The following AKR1B1 variants were observed in gnomAD, a reference collection of about 807,000 sequenced individuals.
The protein encoded by AKR1B1 is aldo-keto reductase family 1 member B1.
Under a neutral mutation model 40.4 loss-of-function variants are expected in AKR1B1, and 22 were observed. That is an observed-to-expected ratio of 0.54 (90% CI 0.39 to 0.78). AKR1B1 has a LOEUF of 0.78. Ranked by LOEUF, AKR1B1 falls within the 30% of genes least tolerant of loss-of-function variation. AKR1B1 has a pLI of 0.00. For missense variants in AKR1B1, 357 were observed against 396.7 expected, an observed-to-expected ratio of 0.90 and a Z score of 0.85; for synonymous variants, 157 against 149.9, an observed-to-expected ratio of 1.05 and a Z score of -0.35.
At chr7:134,453,631 G>GA (rs1212825311) in intron 1 of AKR1B1, among the ~76,000 whole-genome samples, 2 of 151,622 alleles carry the variant, frequency 1.3e-5, no homozygotes, top group Non-Finnish European at 1.5e-5. Flanking sequence ...GGCACGACAT[G>GA]AAAAAAAAGT....
chr7:134,459,116 G>T (rs1806594363), upstream of AKR1B1: 1 of 1,563,640 alleles, frequency 6.4e-7, no homozygotes, highest in Non-Finnish European at 8.7e-7. Context: ...TGGCCGCGGC[G>T]CGTACCTTTA....
chr7:134,443,032 G>A (rs934292431), intron 9 of AKR1B1, among the ~76,000 whole-genome samples: 8 of 152,168 alleles, frequency 5.3e-5, no homozygotes, highest in South Asian at 2.1e-4. Flanking sequence ...TGCCTGGGCC[G>A]TGCAGGACGG....
chr7:134,457,686 C>T (rs1205004299), intron 1 of AKR1B1, among the ~76,000 whole-genome samples: 1 of 152,126 alleles, frequency 6.6e-6, no homozygotes, highest in African/African-American at 2.4e-5. Flanking sequence ...TATCCAACGC[C>T]CAGGCCCATA....
chr7:134,448,913 G>C (rs1364076510), intron 5 of AKR1B1, 84 bp downstream of exon 5: 2 of 1,576,770 alleles, frequency 1.3e-6, no homozygotes, highest in Non-Finnish European at 8.7e-7. Context: ...GCCACTTGCT[G>C]GGTGAGGTGG....
intron 1 of AKR1B1, among the ~76,000 whole-genome samples, chr7:134,455,604 GT>G (rs954306836): frequency 3.3e-5 from 5 of 151,470 alleles, no homozygotes; most frequent in South Asian, 2.1e-4. Flanking sequence ...CTGAGACCGA[GT>G]TTTTTTTTGC....
intron 7 of AKR1B1, 161 bp from the exon 8 acceptor site, chr7:134,447,542 G>A (rs571950062): frequency 1.3e-5 from 9 of 705,676 alleles, no homozygotes; most frequent in East Asian, 5.4e-5. Context: ...ACAGGTAGGC[G>A]ACGCATTCAG....
At chr7:134,451,468 G>T in intron 2 of AKR1B1, 118 bp downstream of exon 2, 2 of 1,304,688 alleles carry the variant, frequency 1.5e-6, no homozygotes, top group Non-Finnish European at 2.2e-6. Context: ...CGTTTCCCCG[G>T]GAAGAATCGC....
chr7:134,445,407 C>T (rs1356347983), intron 8 of AKR1B1, 87 bp from the exon 9 acceptor site: 1 of 1,112,542 alleles, frequency 9.0e-7, no homozygotes, highest in East Asian at 2.5e-5. Context: ...TCTTCCATGG[C>T]TTTGAGCAGA....
intron 1 of AKR1B1, among the ~76,000 whole-genome samples, chr7:134,455,033 T>C: frequency 6.6e-6 from 1 of 152,316 alleles, no homozygotes; most frequent in East Asian, 1.9e-4. Context: ...CTGGCTCCTG[T>C]GTTACCTCCA....
intron 1 of AKR1B1, among the ~76,000 whole-genome samples, chr7:134,457,870 A>T (rs1252620420): frequency 6.6e-6 from 1 of 151,972 alleles, no homozygotes; most frequent in Non-Finnish European, 1.5e-5. Context: ...TGTGGTGGTG[A>T]GCGCCTGTAG....
intron 1 of AKR1B1, 163 bp from the exon 2 acceptor site, chr7:134,451,916 C>A: frequency 1.3e-6 from 1 of 749,992 alleles, no homozygotes; most frequent in Non-Finnish European, 2.3e-6. Flanking sequence ...CAGCCTCAGA[C>A]GCGGGGGATG....
intron 1 of AKR1B1, among the ~76,000 whole-genome samples, chr7:134,458,635 CCA>C (rs1416695681): frequency 6.6e-6 from 1 of 152,152 alleles, no homozygotes; most frequent in African/African-American, 2.4e-5. Context: ...TCTGTGAAGC[CCA>C]CTTTCCCCGC....
chr7:134,457,022 C>T (rs2117467565), intron 1 of AKR1B1, among the ~76,000 whole-genome samples: 1 of 152,048 alleles, frequency 6.6e-6, no homozygotes, highest in South Asian at 2.1e-4. Flanking sequence ...CCTGTGGTCC[C>T]AGCTACTTGG....
At chr7:134,453,757 C>T (rs1806365386) in intron 1 of AKR1B1, among the ~76,000 whole-genome samples, 1 of 152,086 alleles carries the variant, frequency 6.6e-6, no homozygotes, top group South Asian at 2.1e-4. Context: ...TGCTGGGAGG[C>T]TGATCAAAGG....
intron 4 of AKR1B1, chr7:134,449,500 T>G: frequency 1.7e-6 from 1 of 589,590 alleles, no homozygotes; most frequent in Non-Finnish European, 3.0e-6. Context: ...GGCAGGAGAA[T>G]GGCGTGAACC....
At chr7:134,458,970 C>T (rs374361167) in intron 1 of AKR1B1, 27 bp downstream of exon 1, 9 of 1,595,598 alleles carry the variant, frequency 5.6e-6, no homozygotes, top group African/African-American at 5.4e-5. Context: ...AGGCGAGCCC[C>T]GGGCCCGCGC....
Position 134,459,087 on chromosome 7 carries a change from G to A in AKR1B1, c.-25C>T, listed in dbSNP as rs377342540. 2.7e-5 allele frequency: 43 copies of A among 1,593,124 alleles called. No homozygotes were observed. Among genetic ancestry groups the A allele is most frequent in the Admixed American group, 3.5e-5 (2 of 57,362 alleles). On this transcript the variant is annotated 5_prime_UTR_variant, in exon 1 of 10. Coordinates refer to ENST00000285930, the MANE Select transcript of AKR1B1 (RefSeq NM_001628.4). ...TGGCTGCTGCGCTCCCCAGACCCCC[G>A]CCCAGTACGGTGCGGCCTTGGCCGC... is the stretch of plus-strand genomic sequence containing the variant.
intron 1 of AKR1B1, among the ~76,000 whole-genome samples, chr7:134,456,729 A>G (rs1213922629): frequency 6.6e-6 from 1 of 152,088 alleles, no homozygotes; most frequent in Non-Finnish European, 1.5e-5. Flanking sequence ...ACCTACTCCT[A>G]TATTTGCCAG....
At position 134,455,329 on chromosome 7, in the gene AKR1B1, G is replaced by GA. The variant is rs35338055; in HGVS notation, c.67-3577dup. ...AATTTTATTTTGGGGCAAATTAGGGGAAAAAAAAGTCTCACAAGGCTCCTA... is the reference window on the plus strand; with the variant it reads ...AATTTTATTTTGGGGCAAATTAGGGGAAAAAAAAAGTCTCACAAGGCTCCTA... On this transcript the variant is annotated intron_variant, in intron 1 of 9. Transcript: ENST00000285930. 8.4e-3 allele frequency among the ~76,000 whole-genome samples: 1,283 copies of GA among 151,840 alleles called. 15 individuals are homozygous for GA. The highest frequency in any genetic ancestry group is 0.03 in the African/African-American group (1,223 of 41,396).
Sources: allele counts gnomAD v4.1 joint callset (sites outside exome capture counted in the v4.1 genomes callset), GRCh38; gene constraint gnomAD v4.1.1; transcripts MANE v1.5; gene names NCBI Gene and HGNC (gene_info 2026-07-23, HGNC 2026-07-21).